The following MSH3 variants were observed in gnomAD, a reference collection of about 807,000 sequenced individuals.
MSH3 encodes DNA mismatch repair protein Msh3.
A neutral mutation model predicts 123.3 loss-of-function variants in MSH3; 106 were observed. The observed-to-expected ratio is 0.86, with a 90% CI of 0.73 to 1.01. The LOEUF (loss-of-function observed/expected upper bound fraction) is 1.01. MSH3 is among the 50% of genes least tolerant of loss of function. The pLI is 0.00. For missense variants in MSH3, 1,459 were observed against 1,347.6 expected (o/e 1.08, Z -1.29); for synonymous variants, 515 against 481.4 (o/e 1.07, Z -0.91).
In MSH3 at chr5:80,654,715, T is replaced by G; in HGVS notation, c.-13T>G. The G allele has an allele frequency of 6.3e-7, 1 of 1,590,862 alleles. No homozygotes were observed. The highest frequency in any genetic ancestry group is 8.5e-7 in the Non-Finnish European group (1 of 1,171,592). On this transcript the variant is annotated 5_prime_UTR_variant, in exon 1 of 24. Transcript: ENST00000265081. ...GCCAGGCCCTGCCGCCGGGCTGCCA[T>G]CCTTGCCCTGCCATGTCTCGCCGGA...
At chr5:80,695,743 G>A (rs190670611) in intron 8 of MSH3, among the ~76,000 whole-genome samples, 14 of 152,262 alleles carry the variant, frequency 9.2e-5, no homozygotes, top group East Asian at 1.9e-4. Context: ...AAAACATTTA[G>A]CATGGCTGCT....
At chr5:80,775,610 A>C in intron 15 of MSH3, 84 bp from the exon 16 acceptor site, 1 of 795,830 alleles carries the variant, frequency 1.3e-6, no homozygotes. Context: ...ATATATAATA[A>C]ATTGTTATAC....
intron 2 of MSH3, among the ~76,000 whole-genome samples, chr5:80,663,582 T>A (rs1313906332): frequency 2.0e-5 from 3 of 152,134 alleles, no homozygotes; most frequent in Non-Finnish European, 4.4e-5. Flanking sequence ...AGGGAAACTC[T>A]TTGTATAACA....
chr5:80,691,770 TACATATATATGTTTATA>T (rs1750260133), intron 8 of MSH3, among the ~76,000 whole-genome samples: 3 of 98,462 alleles, frequency 3.0e-5, no homozygotes, highest in African/African-American at 1.2e-4. Flanking sequence ...TTTATATATG[TACATATATATGTTTATA>T]TATTTATATA....
At chr5:80,718,109 G>A (rs1030439723) in intron 8 of MSH3, among the ~76,000 whole-genome samples, 1 of 152,102 alleles carries the variant, frequency 6.6e-6, no homozygotes, top group Non-Finnish European at 1.5e-5. Flanking sequence ...ATAGAGTTTT[G>A]GCAGTCACTC....
intron 8 of MSH3, among the ~76,000 whole-genome samples, chr5:80,719,778 A>G (rs1195011841): frequency 6.6e-6 from 1 of 152,206 alleles, no homozygotes; most frequent in Non-Finnish European, 1.5e-5. Context: ...ACAAATATGT[A>G]TTACATGCTC....
chr5:80,705,837 T>C (rs6151693), intron 8 of MSH3, among the ~76,000 whole-genome samples: 1,666 of 152,300 alleles, frequency 0.011, 30 homozygotes, highest in African/African-American at 0.038. Flanking sequence ...ACCGGTCATA[T>C]TGGATTAGGG....
intron 12 of MSH3, among the ~76,000 whole-genome samples, chr5:80,747,687 T>C (rs533081708): frequency 3.9e-5 from 6 of 152,306 alleles, no homozygotes; most frequent in African/African-American, 1.4e-4. Context: ...ATTTTGGTCC[T>C]TGGGGATTGC....
intron 8 of MSH3, among the ~76,000 whole-genome samples, chr5:80,682,795 T>C (rs1228065337): frequency 6.6e-6 from 1 of 152,170 alleles, no homozygotes; most frequent in Non-Finnish European, 1.5e-5. Context: ...AGTCATTCTG[T>C]TGCACTATCA....
At chr5:80,779,501 A>G (rs905111902) in intron 17 of MSH3, among the ~76,000 whole-genome samples, 5 of 151,856 alleles carry the variant, frequency 3.3e-5, no homozygotes, top group African/African-American at 4.8e-5. Flanking sequence ...ACATTCTACT[A>G]TATAATCTTA....
At chr5:80,769,043 C>A (rs758143936) in intron 15 of MSH3, 40 bp downstream of exon 15, 2 of 1,545,322 alleles carry the variant, frequency 1.3e-6, no homozygotes, top group South Asian at 1.1e-5. Context: ...TAGTTTTACT[C>A]TAGTAGAAAA....
At chr5:80,654,986 G>A (rs1351557582) in intron 1 of MSH3, 22 bp downstream of exon 1, 3 of 1,393,532 alleles carry the variant, frequency 2.2e-6, no homozygotes, top group Non-Finnish European at 2.8e-6. Context: ...CTGGGACTGG[G>A]CAGGGCCATC....
At chr5:80,655,032 C>G (rs559732282) in intron 1 of MSH3, 68 bp downstream of exon 1, 1 of 979,712 alleles carries the variant, frequency 1.0e-6, no homozygotes. Flanking sequence ...GTAAGGCGGG[C>G]GGAGGCGGGG....
intron 3 of MSH3, 99 bp from the exon 4 acceptor site, chr5:80,669,998 A>C: frequency 9.3e-7 from 1 of 1,077,510 alleles, no homozygotes; most frequent in Non-Finnish European, 1.4e-6. Flanking sequence ...ATCTAGATTC[A>C]CTAAGTGTTA....
chr5:80,664,847 C>G (rs1446967466), intron 2 of MSH3, among the ~76,000 whole-genome samples: 1 of 151,628 alleles, frequency 6.6e-6, no homozygotes, highest in Non-Finnish European at 1.5e-5. Context: ...GCAGTTGTTA[C>G]CTCTCCTCTC....
At chr5:80,812,569 A>G (rs1745026991) in intron 19 of MSH3, among the ~76,000 whole-genome samples, 1 of 141,720 alleles carries the variant, frequency 7.1e-6, no homozygotes, top group East Asian at 2.1e-4. Flanking sequence ...AGCTAGGCCC[A>G]TTGGCTGGTT....
At chr5:80,703,146 A>G (rs1482411202) in intron 8 of MSH3, among the ~76,000 whole-genome samples, 1 of 152,258 alleles carries the variant, frequency 6.6e-6, no homozygotes, top group African/African-American at 2.4e-5. Flanking sequence ...TAATATGTCC[A>G]TAATAAATGA....
At chr5:80,815,981 A>T (rs528467464) in intron 20 of MSH3, among the ~76,000 whole-genome samples, 1 of 152,316 alleles carries the variant, frequency 6.6e-6, no homozygotes, top group Non-Finnish European at 1.5e-5. Flanking sequence ...TGTTATGTGC[A>T]CCTTATATAG....
chr5:80,670,146 A>T lies in MSH3; in HGVS notation c.629A>T (p.His210Leu). The change falls in exon 4 of 24, where the codon CAT (histidine) becomes CTT (leucine). Residue 210 changes from histidine to leucine, a missense_variant. Coordinates refer to ENST00000265081, the MANE Select transcript of MSH3 (RefSeq NM_002439.5). ...CAGTTTGGATCATCAAATACAAGTC[A>T]TGAAAATTTACAGAAAACTGCTTCC... is the stretch of plus-strand genomic sequence containing the variant. ...LSQFGSSNTSHENLQKTASKS... is the reference protein window; with the variant it reads ...LSQFGSSNTSLENLQKTASKS... The T allele has an allele frequency of 6.2e-7, 1 of 1,614,192 alleles. No individual in the cohort carries two copies. The highest frequency in any genetic ancestry group is 1.1e-5 in the South Asian group (1 of 91,082).
Sources: gnomAD v4.1 joint callset for allele counts (sites outside exome capture counted in the v4.1 genomes callset) on GRCh38, gnomAD v4.1.1 for gene constraint, MANE v1.5 for transcripts, NCBI Gene and HGNC (gene_info 2026-07-23, HGNC 2026-07-21) for gene names.